Variants in ADGRB3 observed in about 807,000 individuals in gnomAD.
The protein encoded by ADGRB3 is adhesion G protein-coupled receptor B3.
Under a neutral mutation model 193.4 loss-of-function variants are expected in ADGRB3, and 37 were observed. The observed-to-expected ratio is 0.19, with a 90% CI of 0.15 to 0.25. The LOEUF (loss-of-function observed/expected upper bound fraction) is 0.25, where lower values mean the gene tolerates loss of function less well. ADGRB3 is among the 10% of genes least tolerant of loss of function. The pLI is 1.00. For missense variants in ADGRB3, 1,637 were observed against 1,852.9 expected, an observed-to-expected ratio of 0.88 and a Z score of 2.14; for synonymous variants, 690 against 644.2, an observed-to-expected ratio of 1.07 and a Z score of -1.08.
chr6:69,358,643 GA>G (rs1162451593), intron 28 of ADGRB3, among the ~76,000 whole-genome samples: 1 of 151,884 alleles, frequency 6.6e-6, no homozygotes, highest in Non-Finnish European at 1.5e-5. Context: ...ATACTGAGGT[GA>G]AATTCACTTC....
At chr6:68,638,618 G>A (rs989475766) in intron 2 of ADGRB3, 43 bp from the exon 3 acceptor site, 6 of 1,524,956 alleles carry the variant, frequency 3.9e-6, no homozygotes, top group East Asian at 4.5e-5. Flanking sequence ...CTCAATGCAC[G>A]TAGACTCCTA....
intron 17 of ADGRB3, among the ~76,000 whole-genome samples, chr6:69,110,958 G>A (rs539486592): frequency 4.6e-5 from 7 of 152,200 alleles, no homozygotes; most frequent in South Asian, 2.1e-4. Context: ...AGGAAATTAC[G>A]TTTTTTCACC....
At chr6:68,965,214 A>C (rs1768343732) in intron 8 of ADGRB3, among the ~76,000 whole-genome samples, 1 of 152,208 alleles carries the variant, frequency 6.6e-6, no homozygotes, top group African/African-American at 2.4e-5. Flanking sequence ...GAATGCTGTT[A>C]TGAAACACAC....
chr6:69,344,590 A>T lies in ADGRB3; in HGVS notation c.3459+5086A>T, dbSNP rs145180471. Among the ~76,000 whole-genome samples, 536 of 152,338 alleles carry T rather than the reference A, an allele frequency of 3.5e-3. 3 individuals carry two copies. Among genetic ancestry groups the T allele is most frequent in the African/African-American group, 0.011 (476 of 41,590 alleles). ...CCAGTAGTGATGAAATAACTAGACA[A>T]CAATATGTAAAGGGTCCATATTGCA... is the stretch of plus-strand genomic sequence containing the variant. On this transcript the variant is annotated intron_variant, in intron 26 of 31. Coordinates refer to ENST00000370598, the MANE Select transcript of ADGRB3 (RefSeq NM_001704.3).
intron 17 of ADGRB3, among the ~76,000 whole-genome samples, chr6:69,226,814 C>T (rs970792811): frequency 2.0e-5 from 3 of 152,146 alleles, no homozygotes; most frequent in African/African-American, 7.2e-5. Flanking sequence ...GTGGCTGGTG[C>T]CAGTCTCTCA....
intron 3 of ADGRB3, among the ~76,000 whole-genome samples, chr6:68,921,873 G>A (rs1280160084): frequency 6.6e-6 from 1 of 151,912 alleles, no homozygotes; most frequent in Non-Finnish European, 1.5e-5. Flanking sequence ...CAGTAAGACC[G>A]CAATATCGTT....
rs79542370 is a variant in ADGRB3, at chr6:69,226,472, T to A, written c.2481-6818T>A. ...CATAACAATATACCTGTCCTCATGA[T>A]ATGTACATTCTAGTGAGCAAAGATG... is the stretch of plus-strand genomic sequence containing the variant. On this transcript the variant is annotated intron_variant, in intron 17 of 31. Coordinates refer to ENST00000370598, the MANE Select transcript of ADGRB3 (RefSeq NM_001704.3). 8.5e-5 allele frequency among the ~76,000 whole-genome samples: 13 copies of A among 152,264 alleles called. No individual in the cohort carries two copies. In the East Asian group the frequency reaches 2.5e-3, roughly 29 times the overall value.
chr6:68,825,323 C>G (rs1158453251), intron 3 of ADGRB3, among the ~76,000 whole-genome samples: 1 of 151,994 alleles, frequency 6.6e-6, no homozygotes, highest in African/African-American at 2.4e-5. Context: ...GTATGTCCTT[C>G]AAGAGAAGAT....
In ADGRB3 at chr6:68,895,041, A is replaced by C. The variant is rs139454558; in HGVS notation, c.758-35518A>C. ...ATAAAAGCAGTTAGTGGAGAAAATT[A>C]TTAAGTGGTATTAAATATACTTTTT... On this transcript the variant is annotated intron_variant, in intron 3 of 31. Transcript: ENST00000370598. Among the ~76,000 whole-genome samples the C allele has an allele frequency of 1.8e-4, 27 of 152,060 alleles. No individual in the cohort carries two copies. The East Asian group carries it at 5.2e-3, about 29-fold the overall frequency.
intron 20 of ADGRB3, among the ~76,000 whole-genome samples, chr6:69,265,801 C>G (rs551268616): frequency 6.6e-6 from 1 of 151,898 alleles, no homozygotes; most frequent in Non-Finnish European, 1.5e-5. Flanking sequence ...TAGCTTAACC[C>G]AGATCTGTGA....
intron 13 of ADGRB3, among the ~76,000 whole-genome samples, chr6:69,030,855 TTC>T (rs901032223): frequency 2.0e-5 from 3 of 151,956 alleles, no homozygotes; most frequent in African/African-American, 2.4e-5. Flanking sequence ...TTCTCTTCTC[TTC>T]TCTCTCTGTC....
At chr6:68,943,000 G>A (rs1275873235) in intron 5 of ADGRB3, among the ~76,000 whole-genome samples, 5 of 152,148 alleles carry the variant, frequency 3.3e-5, no homozygotes, top group Non-Finnish European at 1.5e-5. Context: ...TGTTATTTAA[G>A]ATCAATTGTG....
intron 3 of ADGRB3, among the ~76,000 whole-genome samples, chr6:68,744,246 CAG>C (rs1326122881): frequency 2.6e-5 from 4 of 151,844 alleles, no homozygotes; most frequent in African/African-American, 7.3e-5. Context: ...AAATAAAAAA[CAG>C]AGAGGATGTG....
intron 3 of ADGRB3, among the ~76,000 whole-genome samples, chr6:68,649,521 C>G (rs1165833927): frequency 6.6e-6 from 1 of 151,886 alleles, no homozygotes; most frequent in Non-Finnish European, 1.5e-5. Flanking sequence ...ATTTTTTGTA[C>G]TATTTTGTAT....
chr6:69,126,560 AAG>A (rs1261436475), intron 17 of ADGRB3, among the ~76,000 whole-genome samples: 1 of 152,084 alleles, frequency 6.6e-6, no homozygotes. Flanking sequence ...CCATCTTTAG[AAG>A]AGAGAGAGAG....
At chr6:68,637,837 A>T (rs531492291) in intron 2 of ADGRB3, among the ~76,000 whole-genome samples, 76 of 151,748 alleles carry the variant, frequency 5.0e-4, no homozygotes, top group African/African-American at 1.7e-3. Flanking sequence ...ACCTTTGGAT[A>T]CAGATACTAA....
At chr6:68,846,299 A>C (rs1178732345) in intron 3 of ADGRB3, among the ~76,000 whole-genome samples, 1 of 152,194 alleles carries the variant, frequency 6.6e-6, no homozygotes, top group Non-Finnish European at 1.5e-5. Flanking sequence ...CCTATGTGAT[A>C]AAAAATAAAA....
intron 6 of ADGRB3, among the ~76,000 whole-genome samples, chr6:68,951,704 G>A (rs140621384): frequency 6.6e-6 from 1 of 152,292 alleles, no homozygotes; most frequent in East Asian, 1.9e-4. Context: ...TCAATAGAAA[G>A]ACAGTTTCAG....
chr6:69,049,367 C>T (rs775235937), intron 15 of ADGRB3, 21 bp downstream of exon 15: 2 of 1,541,212 alleles, frequency 1.3e-6, no homozygotes, highest in Non-Finnish European at 1.8e-6. Context: ...AAGTAATAAA[C>T]TGTTGTAATT....
Sources: allele counts gnomAD v4.1 joint callset (sites outside exome capture counted in the v4.1 genomes callset), GRCh38; gene constraint gnomAD v4.1.1; transcripts MANE v1.5; gene names NCBI Gene and HGNC (gene_info 2026-07-23, HGNC 2026-07-21).